CTNND2: variants seen among roughly 807,000 people sequenced by gnomAD.
CTNND2 encodes catenin delta 2.
Under a neutral mutation model 144.4 loss-of-function variants are expected in CTNND2, and 22 were observed. The observed-to-expected ratio is 0.15, with a 90% CI of 0.11 to 0.22. The LOEUF (loss-of-function observed/expected upper bound fraction) is 0.22. Ranked by LOEUF, CTNND2 falls within the 10% of genes least tolerant of loss-of-function variation. CTNND2 has a pLI of 1.00. For synonymous variants in CTNND2, 751 were observed against 695.6 expected, an observed-to-expected ratio of 1.08 and a Z score of -1.25; for missense variants, 1,353 against 1,618.8, an observed-to-expected ratio of 0.84 and a Z score of 2.82.
At chr5:11,661,924 C>T (rs185255837) in intron 2 of CTNND2, among the ~76,000 whole-genome samples, 5 of 151,414 alleles carry the variant, frequency 3.3e-5, no homozygotes, top group Non-Finnish European at 5.9e-5. Context: ...AGATCAGCAG[C>T]GGCATTAGAT....
intron 3 of CTNND2, among the ~76,000 whole-genome samples, chr5:11,454,636 G>T (rs1765580619): frequency 6.7e-6 from 1 of 148,902 alleles, no homozygotes; most frequent in African/African-American, 2.5e-5. Context: ...TTGCTCTGTT[G>T]CCCAGGCTGC....
chr5:10,985,097 A>C (rs903185575), intron 20 of CTNND2, among the ~76,000 whole-genome samples: 6 of 151,788 alleles, frequency 4.0e-5, no homozygotes, highest in Admixed American at 1.3e-4. Flanking sequence ...TAAATAAATA[A>C]ATAAATAAAT....
chr5:11,799,376 T>C (rs1791562590), intron 1 of CTNND2, among the ~76,000 whole-genome samples: 1 of 152,180 alleles, frequency 6.6e-6, no homozygotes, highest in African/African-American at 2.4e-5. Context: ...AAGATATGGG[T>C]TCCTTGGCAA....
rs1561351061 is a variant in CTNND2 at position 11,128,965 on chromosome 5, A to ATATATAATATATATATATATATT, written c.2160-11399_2160-11398insAATATATATATATATATTATATA. On this transcript the variant is annotated intron_variant, in intron 12 of 21. Coordinates refer to ENST00000304623, the MANE Select transcript of CTNND2 (RefSeq NM_001332.4). ...TTATATATAATATATAAATATATAT[A>ATATATAATATATATATATATATT]ATATATAATATATAAATATATATAA... 2.8e-4 allele frequency among the ~76,000 whole-genome samples: 8 copies of ATATATAATATATATATATATATT among 28,412 alleles called. 1 individual carries two copies. The highest frequency in any genetic ancestry group is 7.2e-4 in the African/African-American group (8 of 11,140). The allele number at this position is 28,412 out of a possible 152,430, so 18.6% of individuals were successfully genotyped here. A position where few individuals can be genotyped will look rare whatever the true frequency, so the allele number is the denominator to read the frequency against.
intron 8 of CTNND2, among the ~76,000 whole-genome samples, chr5:11,364,050 T>C (rs973595485): frequency 6.6e-6 from 1 of 152,218 alleles, no homozygotes; most frequent in African/African-American, 2.4e-5. Context: ...TTTGACAGAT[T>C]ATGTTGCAAA....
At chr5:11,150,872 C>T (rs994000902) in intron 12 of CTNND2, among the ~76,000 whole-genome samples, 1 of 152,058 alleles carries the variant, frequency 6.6e-6, no homozygotes, top group African/African-American at 2.4e-5. Flanking sequence ...GTGATCCACC[C>T]GCCTTGGCCT....
At chr5:10,994,576 C>T (rs779117687) in intron 18 of CTNND2, among the ~76,000 whole-genome samples, 9 of 152,022 alleles carry the variant, frequency 5.9e-5, no homozygotes, top group Admixed American at 4.6e-4. Context: ...GGAGCCTTAA[C>T]GTTGCAGAAG....
At chr5:11,247,171 G>T (rs1743087996) in intron 9 of CTNND2, among the ~76,000 whole-genome samples, 1 of 152,180 alleles carries the variant, frequency 6.6e-6, no homozygotes, top group Admixed American at 6.5e-5. Flanking sequence ...TGGATGCTAG[G>T]TTAAGAACAG....
At chr5:11,517,137 T>G (rs569670862) in intron 3 of CTNND2, among the ~76,000 whole-genome samples, 136 of 152,342 alleles carry the variant, frequency 8.9e-4, no homozygotes, top group African/African-American at 3.2e-3. Context: ...ACGTGATATG[T>G]GACGTACACA....
intron 1 of CTNND2, among the ~76,000 whole-genome samples, chr5:11,845,927 A>T (rs1470509408): frequency 6.6e-6 from 1 of 152,210 alleles, no homozygotes; most frequent in Non-Finnish European, 1.5e-5. Context: ...GACATCTAAA[A>T]TGTAACCCCC....
intron 9 of CTNND2, among the ~76,000 whole-genome samples, chr5:11,287,900 C>T (rs901053839): frequency 3.3e-5 from 5 of 152,196 alleles, no homozygotes; most frequent in Non-Finnish European, 7.4e-5. Flanking sequence ...TCAGTTGATA[C>T]AATAAATGCG....
intron 14 of CTNND2, among the ~76,000 whole-genome samples, chr5:11,107,939 TG>T (rs1752584324): frequency 6.6e-6 from 1 of 152,190 alleles, no homozygotes; most frequent in Non-Finnish European, 1.5e-5. Flanking sequence ...ACAGTGTAAT[TG>T]GGGCCAGGCA....
At chr5:11,740,960 T>C (rs1315933844) in intron 1 of CTNND2, among the ~76,000 whole-genome samples, 1 of 152,096 alleles carries the variant, frequency 6.6e-6, no homozygotes. Flanking sequence ...AACAGACACA[T>C]GAAAAAATTC....
At chr5:11,133,416 G>A (rs1274268828) in intron 12 of CTNND2, among the ~76,000 whole-genome samples, 2 of 151,974 alleles carry the variant, frequency 1.3e-5, no homozygotes, top group African/African-American at 4.8e-5. Flanking sequence ...GCAATGATGC[G>A]ATCTTGGCTC....
intron 1 of CTNND2, among the ~76,000 whole-genome samples, chr5:11,811,561 A>T (rs1220583607): frequency 6.6e-6 from 1 of 152,170 alleles, no homozygotes; most frequent in Non-Finnish European, 1.5e-5. Context: ...TAAAATTTAG[A>T]TCCATCCAAT....
chr5:11,224,125 A>G (rs1159801507), intron 10 of CTNND2, among the ~76,000 whole-genome samples: 3 of 152,114 alleles, frequency 2.0e-5, no homozygotes, highest in Non-Finnish European at 4.4e-5. Flanking sequence ...ACCTCCACGC[A>G]GCGGTATTTG....
intron 9 of CTNND2, among the ~76,000 whole-genome samples, chr5:11,337,753 C>T (rs1318581938): frequency 6.6e-6 from 1 of 152,156 alleles, no homozygotes; most frequent in Admixed American, 6.5e-5. Flanking sequence ...TATCACTGTA[C>T]TTAGCATTAT....
chr5:11,525,503 A>G (rs1013137003), intron 3 of CTNND2, among the ~76,000 whole-genome samples: 1 of 152,240 alleles, frequency 6.6e-6, no homozygotes, highest in Admixed American at 6.5e-5. Context: ...ATAAGGATAC[A>G]TAACATTCCA....
At chr5:11,599,218 T>C (rs142089890) in intron 2 of CTNND2, among the ~76,000 whole-genome samples, 150 of 152,200 alleles carry the variant, frequency 9.9e-4, no homozygotes, top group Admixed American at 2.8e-3. Flanking sequence ...ATCCAAATCA[T>C]AACACATCTA....
Sources: gnomAD v4.1 joint callset for allele counts (sites outside exome capture counted in the v4.1 genomes callset) on GRCh38, gnomAD v4.1.1 for gene constraint, MANE v1.5 for transcripts, NCBI Gene and HGNC (gene_info 2026-07-23, HGNC 2026-07-21) for gene names.